Variants in AFF1 observed in about 807,000 individuals in gnomAD.
AFF1 encodes AF4/FMR2 family member 1.
Under a neutral mutation model 121.7 loss-of-function variants are expected in AFF1, and 48 were observed. The ratio of observed to expected loss-of-function variants is 0.39; its 90% confidence interval spans 0.31 to 0.50. The LOEUF (loss-of-function observed/expected upper bound fraction) is 0.50, where lower values mean the gene tolerates loss of function less well. Ranked by LOEUF, AFF1 falls within the 20% of genes least tolerant of loss-of-function variation. The pLI is 0.76. For missense variants in AFF1, 1,523 were observed against 1,511.7 expected (o/e 1.01, Z -0.12); for synonymous variants, 613 against 563.0 (o/e 1.09, Z -1.26).
chr4:87,023,919 T>A (rs1728275200), intron 2 of AFF1, among the ~76,000 whole-genome samples: 1 of 152,160 alleles, frequency 6.6e-6, no homozygotes, highest in Non-Finnish European at 1.5e-5. Flanking sequence ...AAAAAATGGA[T>A]TCTTTGGGGC....
intron 2 of AFF1, among the ~76,000 whole-genome samples, chr4:87,001,652 C>A (rs868512575): frequency 1.5e-4 from 23 of 152,072 alleles, no homozygotes; most frequent in African/African-American, 5.3e-4. Context: ...CCAGGTAACC[C>A]CAGTTTAAAG....
chr4:86,948,650 T>G, intron 2 of AFF1, 79 bp downstream of exon 2: 3 of 1,420,716 alleles, frequency 2.1e-6, no homozygotes, highest in South Asian at 1.3e-5. Context: ...AGTTTGGTCT[T>G]TTTCAATTTT....
At chr4:87,006,868 C>T (rs975699102) in intron 2 of AFF1, 47 of 770,962 alleles carry the variant, frequency 6.1e-5, no homozygotes, top group Non-Finnish European at 6.5e-5. Flanking sequence ...TGCCGCTTGC[C>T]GCCTGCCTTT....
At chr4:86,982,505 C>A (rs2149492228) in intron 2 of AFF1, among the ~76,000 whole-genome samples, 1 of 137,700 alleles carries the variant, frequency 7.3e-6, no homozygotes, top group Non-Finnish European at 1.5e-5. Flanking sequence ...AGAGGTGGAG[C>A]CTTTGATGGT....
intron 2 of AFF1, among the ~76,000 whole-genome samples, chr4:86,994,962 A>G (rs1725000809): frequency 6.6e-6 from 1 of 152,134 alleles, no homozygotes; most frequent in Admixed American, 6.5e-5. Flanking sequence ...TCTCCAGGCC[A>G]GGCATGGTGG....
At chr4:87,002,973 G>A (rs1280695170) in intron 2 of AFF1, among the ~76,000 whole-genome samples, 1 of 152,126 alleles carries the variant, frequency 6.6e-6, no homozygotes, top group African/African-American at 2.4e-5. Context: ...TGATGAAGAT[G>A]GTGGGTTGGA....
intron 2 of AFF1, among the ~76,000 whole-genome samples, chr4:86,953,726 C>CT (rs34118799): frequency 0.072 from 10,685 of 148,616 alleles, 471 homozygotes; most frequent in Non-Finnish European, 0.096. Flanking sequence ...TTTCTTTTTT[C>CT]TTTTTTTTTT....
intron 8 of AFF1, among the ~76,000 whole-genome samples, chr4:87,096,102 C>T (rs960707776): frequency 6.6e-6 from 1 of 152,010 alleles, no homozygotes; most frequent in African/African-American, 2.4e-5. Context: ...AGTGCCAATT[C>T]CTTAATGTAC....
At chr4:87,020,782 A>G in intron 2 of AFF1, 1 of 984,994 alleles carries the variant, frequency 1.0e-6, no homozygotes, top group Non-Finnish European at 1.2e-6. Context: ...CATGCCCAGT[A>G]ATGCCATGTT....
At chr4:86,998,113 A>C (rs895825483) in intron 2 of AFF1, among the ~76,000 whole-genome samples, 11 of 140,530 alleles carry the variant, frequency 7.8e-5, no homozygotes, top group African/African-American at 1.6e-4. Flanking sequence ...AAAAAAAAAA[A>C]AAAAAAAAAA....
At chr4:87,068,260 C>CG (rs1194613797) in intron 4 of AFF1, among the ~76,000 whole-genome samples, 5 of 137,804 alleles carry the variant, frequency 3.6e-5, no homozygotes, top group African/African-American at 1.1e-4. Flanking sequence ...GAAAATTGCC[C>CG]CCCCCCCACT....
chr4:87,012,217 C>CTTTTTTTTTTTTTTTTTTTTTT lies in AFF1; in HGVS notation c.39-33947_39-33946insTTTTTTTTTTTTTTTTTTTTTT, dbSNP rs68156863. Reference sequence around the variant, plus strand: ...GTTAGCAAACTTCTCCATTTCATTTCTTGTTTTTTTTTTTTTTTGTATAAC... The same window carrying CTTTTTTTTTTTTTTTTTTTTTT: ...GTTAGCAAACTTCTCCATTTCATTTCTTTTTTTTTTTTTTTTTTTTTTTTGTTTTTTTTTTTTTTTGTATAAC... On this transcript the variant is annotated intron_variant, in intron 2 of 20. Transcript: ENST00000395146. Among the ~76,000 whole-genome samples, 3 of 115,100 alleles carry CTTTTTTTTTTTTTTTTTTTTTT rather than the reference C, an allele frequency of 2.6e-5. 1 individual carries two copies. The highest frequency in any genetic ancestry group is 3.7e-5 in the Non-Finnish European group (2 of 54,242). The allele number at this position is 115,100 out of a possible 152,430, so 75.5% of individuals were successfully genotyped here.
At chr4:87,002,609 A>G (rs921979571) in intron 2 of AFF1, among the ~76,000 whole-genome samples, 1 of 151,576 alleles carries the variant, frequency 6.6e-6, no homozygotes, top group Non-Finnish European at 1.5e-5. Context: ...GGGTTTCACC[A>G]TGTTGGCCAG....
intron 4 of AFF1, among the ~76,000 whole-genome samples, chr4:87,072,584 C>T (rs983471513): frequency 2.0e-5 from 3 of 151,856 alleles, no homozygotes; most frequent in African/African-American, 4.8e-5. Flanking sequence ...TGCAGTGGCA[C>T]GATCTCAGCT....
intron 2 of AFF1, among the ~76,000 whole-genome samples, chr4:86,986,086 A>T (rs1481074369): frequency 6.6e-6 from 1 of 151,406 alleles, no homozygotes; most frequent in Non-Finnish European, 1.5e-5. Flanking sequence ...AATTTAATGT[A>T]ATTGGAGACC....
chr4:86,986,417 A>G (rs1014086937), intron 2 of AFF1, among the ~76,000 whole-genome samples: 2 of 152,084 alleles, frequency 1.3e-5, no homozygotes, highest in Non-Finnish European at 2.9e-5. Flanking sequence ...AGAGTTAACT[A>G]TTGTGCCTCT....
intron 4 of AFF1, chr4:87,048,017 C>G (rs59188173): frequency 0.029 from 5,635 of 192,856 alleles, 138 homozygotes; most frequent in African/African-American, 0.072. Context: ...AATGTGAACA[C>G]GAAAAAATTT....
At chr4:86,963,984 T>A (rs1442740658) in intron 2 of AFF1, among the ~76,000 whole-genome samples, 20 of 144,460 alleles carry the variant, frequency 1.4e-4, no homozygotes, top group South Asian at 8.8e-4. Flanking sequence ...TTTTTTTTTT[T>A]AGTACAATTT....
intron 20 of AFF1, among the ~76,000 whole-genome samples, chr4:87,134,975 T>A (rs780235797): frequency 6.6e-6 from 1 of 152,214 alleles, no homozygotes; most frequent in Non-Finnish European, 1.5e-5. Flanking sequence ...TACTTCAGCC[T>A]GAGCTGAAAT....
Sources: allele counts gnomAD v4.1 joint callset (sites outside exome capture counted in the v4.1 genomes callset), GRCh38; gene constraint gnomAD v4.1.1; transcripts MANE v1.5; gene names NCBI Gene and HGNC (gene_info 2026-07-23, HGNC 2026-07-21).